CTNNA2: variants seen among roughly 807,000 people sequenced by gnomAD.
CTNNA2 encodes the protein catenin alpha-2.
A neutral mutation model predicts 101.0 loss-of-function variants in CTNNA2; 42 were observed. That is an observed-to-expected ratio of 0.42 (90% CI 0.32 to 0.54). The LOEUF (loss-of-function observed/expected upper bound fraction) is 0.54. Ranked by LOEUF, CTNNA2 falls within the 20% of genes least tolerant of loss-of-function variation. The probability of loss-of-function intolerance (pLI) is 0.14; values close to 1 mark genes in which losing one functional copy is unlikely to be tolerated. For synonymous variants in CTNNA2, 450 were observed against 456.4 expected (o/e 0.99, Z 0.18); for missense variants, 871 against 1,223.1 (o/e 0.71, Z 4.29).
intron 11 of CTNNA2, among the ~76,000 whole-genome samples, chr2:80,550,708 C>T (rs770576552): frequency 5.9e-5 from 9 of 152,192 alleles, no homozygotes; most frequent in Non-Finnish European, 1.3e-4. Context: ...CAGATTCAGT[C>T]ACATCTTTAG....
At chr2:80,495,422 T>C (rs1263726383) in intron 9 of CTNNA2, among the ~76,000 whole-genome samples, 1 of 152,124 alleles carries the variant, frequency 6.6e-6, no homozygotes, top group Non-Finnish European at 1.5e-5. Flanking sequence ...AAGAAACAAC[T>C]GTAGAAGATA....
At chr2:79,501,027 A>G (rs1671313306) in intron 4 of CTNNA2, among the ~76,000 whole-genome samples, 1 of 152,212 alleles carries the variant, frequency 6.6e-6, no homozygotes. Context: ...ACTCAATACA[A>G]TGTAACAAGG....
At chr2:79,461,375 G>T (rs545987266) in intron 4 of CTNNA2, among the ~76,000 whole-genome samples, 2 of 152,158 alleles carry the variant, frequency 1.3e-5, no homozygotes, top group Admixed American at 1.3e-4. Context: ...CAGAAGAGAG[G>T]TTCCCTGGCA....
chr2:79,260,324 A>G (rs1674903895), intron 2 of CTNNA2, among the ~76,000 whole-genome samples: 1 of 152,168 alleles, frequency 6.6e-6, no homozygotes, highest in Non-Finnish European at 1.5e-5. Context: ...GGACATGACC[A>G]CAACACATGA....
chr2:80,200,519 AGTTTGTTTGTTT>A (rs112399723), intron 7 of CTNNA2, among the ~76,000 whole-genome samples: 11 of 150,968 alleles, frequency 7.3e-5, no homozygotes, highest in African/African-American at 2.5e-4. Flanking sequence ...TATTAAAGTG[AGTTTGTTTGTTT>A]GTTTGTTTGT....
intron 7 of CTNNA2, among the ~76,000 whole-genome samples, chr2:79,945,367 A>C (rs552228463): frequency 1.3e-5 from 2 of 152,218 alleles, no homozygotes; most frequent in South Asian, 2.1e-4. Context: ...AATTATTTGA[A>C]TCTTAAAGGT....
At chr2:80,581,352 T>C (rs558515153) in intron 13 of CTNNA2, among the ~76,000 whole-genome samples, 1 of 152,312 alleles carries the variant, frequency 6.6e-6, no homozygotes, top group South Asian at 2.1e-4. Context: ...AGTGGCATTA[T>C]AGAAGTATAG....
intron 4 of CTNNA2, among the ~76,000 whole-genome samples, chr2:79,493,205 A>C (rs543664546): frequency 6.6e-6 from 1 of 152,152 alleles, no homozygotes; most frequent in African/African-American, 2.4e-5. Context: ...GAAAGTAAGT[A>C]GAAAGAAAAA....
At chr2:80,501,437 G>T (rs1447996646) in intron 9 of CTNNA2, among the ~76,000 whole-genome samples, 2 of 152,174 alleles carry the variant, frequency 1.3e-5, no homozygotes, top group African/African-American at 4.8e-5. Flanking sequence ...CACATTGAAA[G>T]ACATGGTTAG....
chr2:79,703,626 ATT>A (rs1685155693), intron 2 of CTNNA2, among the ~76,000 whole-genome samples: 1 of 152,176 alleles, frequency 6.6e-6, no homozygotes, highest in South Asian at 2.1e-4. Flanking sequence ...TGCTGTGTTA[ATT>A]TTAATTTTTG....
intron 15 of CTNNA2, 53 bp from the exon 16 acceptor site, chr2:80,604,021 T>A: frequency 6.7e-7 from 1 of 1,486,338 alleles, no homozygotes; most frequent in Non-Finnish European, 9.4e-7. Context: ...GGTAGGTTGG[T>A]CTCTTTCCCG....
chr2:79,605,052 T>C (rs2104125923), intron 1 of CTNNA2, among the ~76,000 whole-genome samples: 1 of 152,162 alleles, frequency 6.6e-6, no homozygotes, highest in South Asian at 2.1e-4. Flanking sequence ...CAATCAAAAC[T>C]AATTTTAGAA....
chr2:79,873,160 T>C (rs912606029), intron 5 of CTNNA2, among the ~76,000 whole-genome samples: 1 of 152,176 alleles, frequency 6.6e-6, no homozygotes, highest in African/African-American at 2.4e-5. Flanking sequence ...AATCAGAAGT[T>C]TGGTTTCCCA....
At chr2:79,896,786 A>G (rs1558621907) in intron 6 of CTNNA2, among the ~76,000 whole-genome samples, 1 of 152,242 alleles carries the variant, frequency 6.6e-6, no homozygotes, top group African/African-American at 2.4e-5. Flanking sequence ...AAGAGAGTTA[A>G]AGATCGTGTT....
intron 7 of CTNNA2, among the ~76,000 whole-genome samples, chr2:80,068,556 C>G (rs1050207739): frequency 8.5e-5 from 13 of 152,298 alleles, no homozygotes; most frequent in Admixed American, 5.9e-4. Context: ...ATTAAAACAG[C>G]CCAAGTTCCC....
At chr2:79,830,042 G>A (rs1678806649) in intron 3 of CTNNA2, among the ~76,000 whole-genome samples, 1 of 152,164 alleles carries the variant, frequency 6.6e-6, no homozygotes, top group Non-Finnish European at 1.5e-5. Context: ...TTCAGGACAA[G>A]TTTATTTAGG....
At chr2:79,310,575 A>G (rs767323123) in intron 2 of CTNNA2, among the ~76,000 whole-genome samples, 8 of 152,234 alleles carry the variant, frequency 5.3e-5, no homozygotes, top group Admixed American at 6.5e-5. Context: ...TTGTCCATAT[A>G]GGAACTAACA....
intron 9 of CTNNA2, among the ~76,000 whole-genome samples, chr2:80,520,659 T>C (rs1689468881): frequency 6.6e-6 from 1 of 152,174 alleles, no homozygotes; most frequent in Non-Finnish European, 1.5e-5. Context: ...TTCCCATTCA[T>C]GAAGACTCCA....
intron 7 of CTNNA2, among the ~76,000 whole-genome samples, chr2:80,218,846 A>G (rs1321511500): frequency 6.6e-6 from 1 of 152,200 alleles, no homozygotes; most frequent in African/African-American, 2.4e-5. Flanking sequence ...TGGTGCTACA[A>G]TTTATTTAAT....
Sources: allele counts gnomAD v4.1 joint callset (sites outside exome capture counted in the v4.1 genomes callset), GRCh38; gene constraint gnomAD v4.1.1; transcripts MANE v1.5; gene names NCBI Gene and HGNC (gene_info 2026-07-23, HGNC 2026-07-21).